The following SKAP2 variants were observed in gnomAD, a reference collection of about 807,000 sequenced individuals.
The protein encoded by SKAP2 is src kinase-associated phosphoprotein 2.
A neutral mutation model predicts 54.9 loss-of-function variants in SKAP2; 28 were observed. That is an observed-to-expected ratio of 0.51 (90% CI 0.38 to 0.70). The LOEUF is 0.70. SKAP2 is among the 30% of genes least tolerant of loss of function. SKAP2 has a pLI of 0.00. For missense variants in SKAP2, 356 were observed against 424.1 expected (o/e 0.84, Z 1.41); for synonymous variants, 137 against 134.3 (o/e 1.02, Z -0.14).
intron 11 of SKAP2, among the ~76,000 whole-genome samples, chr7:26,684,216 C>T (rs1442656023): frequency 6.6e-6 from 1 of 151,984 alleles, no homozygotes; most frequent in African/African-American, 2.4e-5. Flanking sequence ...ATTTTGTTTA[C>T]AAATATAGTA....
At chr7:26,744,437 G>A (rs78028110) in intron 4 of SKAP2, among the ~76,000 whole-genome samples, 8,263 of 152,012 alleles carry the variant, frequency 0.054, 327 homozygotes, top group Non-Finnish European at 0.073. Context: ...AGAAAAATGT[G>A]TCTAGATCAC....
At chr7:26,815,649 A>T (rs1365707457) in intron 4 of SKAP2, among the ~76,000 whole-genome samples, 1 of 152,080 alleles carries the variant, frequency 6.6e-6, no homozygotes, top group Non-Finnish European at 1.5e-5. Flanking sequence ...TGCCCAAGGG[A>T]GGACAAAGTG....
chr7:26,720,687 G>A (rs1353661036), intron 9 of SKAP2, among the ~76,000 whole-genome samples: 1 of 152,176 alleles, frequency 6.6e-6, no homozygotes, highest in Non-Finnish European at 1.5e-5. Context: ...GGAAGGGGAA[G>A]CAAACATGTC....
chr7:26,794,194 T>C (rs1221691643), intron 4 of SKAP2, among the ~76,000 whole-genome samples: 1 of 152,212 alleles, frequency 6.6e-6, no homozygotes, highest in African/African-American at 2.4e-5. Flanking sequence ...GAATTTTCAT[T>C]TATAAAAATT....
chr7:26,740,855 G>A (rs1782427147), intron 4 of SKAP2, among the ~76,000 whole-genome samples: 1 of 152,054 alleles, frequency 6.6e-6, no homozygotes, highest in African/African-American at 2.4e-5. Context: ...CAGGCATGGT[G>A]GCGGGTGCCT....
At chr7:26,670,058 C>T (rs1405523161) in intron 12 of SKAP2, 33 bp downstream of exon 12, 2 of 863,076 alleles carry the variant, frequency 2.3e-6, no homozygotes, top group Non-Finnish European at 4.0e-6. Context: ...AACATATGAG[C>T]TATTACAGAA....
intron 11 of SKAP2, among the ~76,000 whole-genome samples, chr7:26,684,155 C>A (rs1353064796): frequency 6.6e-6 from 1 of 152,032 alleles, no homozygotes; most frequent in African/African-American, 2.4e-5. Context: ...TATACACACA[C>A]ACATATACAT....
intron 4 of SKAP2, among the ~76,000 whole-genome samples, chr7:26,812,066 TG>T (rs1293329884): frequency 6.6e-6 from 1 of 152,216 alleles, no homozygotes; most frequent in Non-Finnish European, 1.5e-5. Flanking sequence ...GGCCCTGATT[TG>T]TTTTTAAGGG....
intron 6 of SKAP2, among the ~76,000 whole-genome samples, chr7:26,728,564 A>G (rs934964205): frequency 6.6e-6 from 1 of 152,122 alleles, no homozygotes; most frequent in South Asian, 2.1e-4. Context: ...TAAATTCTCA[A>G]AAAAAGACTA....
intron 5 of SKAP2, among the ~76,000 whole-genome samples, 198 bp downstream of exon 5, chr7:26,739,689 A>G (rs1283052375): frequency 6.6e-6 from 1 of 152,214 alleles, no homozygotes; most frequent in Non-Finnish European, 1.5e-5. Flanking sequence ...TAAAAACCTA[A>G]CCTAATGTTT....
At chr7:26,688,065 T>C (rs1413510616) in intron 10 of SKAP2, among the ~76,000 whole-genome samples, 2 of 152,042 alleles carry the variant, frequency 1.3e-5, no homozygotes. Context: ...TTTAAAAACA[T>C]ACAAGAAGAG....
intron 3 of SKAP2, among the ~76,000 whole-genome samples, chr7:26,849,585 T>C (rs746740028): frequency 6.7e-6 from 1 of 150,286 alleles, no homozygotes; most frequent in Non-Finnish European, 1.5e-5. Flanking sequence ...CTCGGGAGGC[T>C]GAGGAAGGAG....
At chr7:26,757,269 T>C (rs900474960) in intron 4 of SKAP2, among the ~76,000 whole-genome samples, 4 of 152,176 alleles carry the variant, frequency 2.6e-5, no homozygotes, top group African/African-American at 7.2e-5. Context: ...CTGAATGGTA[T>C]TGCCTAGGTT....
intron 6 of SKAP2, among the ~76,000 whole-genome samples, chr7:26,735,489 CTCTT>C (rs1787909217): frequency 6.6e-6 from 1 of 152,194 alleles, no homozygotes; most frequent in African/African-American, 2.4e-5. Context: ...GTTGGAACTA[CTCTT>C]TCTAAGCCAC....
chr7:26,670,037 G>C (rs774886198), intron 12 of SKAP2, 54 bp downstream of exon 12: 14 of 735,954 alleles, frequency 1.9e-5, no homozygotes, highest in Non-Finnish European at 3.2e-5. Flanking sequence ...TCATAACGAA[G>C]AGACCAAGAG....
In SKAP2 at chr7:26,864,566, G is replaced by C; in HGVS notation, c.-137C>G. 1 of 1,425,982 alleles carries C rather than the reference G, an allele frequency of 7.0e-7. No individual in the cohort carries two copies. The highest frequency in any genetic ancestry group is 1.5e-5 in the South Asian group (1 of 67,980). 88.3% of individuals were successfully genotyped at this position (1,425,982 alleles called of 1,614,324 possible). Reference sequence around the variant, plus strand: ...GGGGCTACGAGTCGGGACACTGCCGGGCCGGGGCTCACAACAAGGAAGTCA... The same window carrying C: ...GGGGCTACGAGTCGGGACACTGCCGCGCCGGGGCTCACAACAAGGAAGTCA... On this transcript the variant is annotated 5_prime_UTR_variant, in exon 1 of 13. Coordinates refer to ENST00000345317, the MANE Select transcript of SKAP2 (RefSeq NM_003930.5).
rs1782984707 is a variant in SKAP2 at position 26,763,806 on chromosome 7, T to C, written c.308-23842A>G. On this transcript the variant is annotated intron_variant, in intron 4 of 12. Coordinates refer to ENST00000345317, the MANE Select transcript of SKAP2 (RefSeq NM_003930.5). ...CACCTAGGCAATATTATATATAGCC[T>C]ATTGCTCCTAGGCTACAAACCCCCT... Among the ~76,000 whole-genome samples, 12 of 121,204 alleles carry C rather than the reference T, an allele frequency of 9.9e-5. 1 individual carries two copies. In the South Asian group the frequency reaches 3.0e-3, roughly 30 times the overall value. The allele number at this position is 121,204 out of a possible 152,430, so 79.5% of individuals were successfully genotyped here.
chr7:26,798,041 G>C (rs563253134), intron 4 of SKAP2, among the ~76,000 whole-genome samples: 20 of 151,920 alleles, frequency 1.3e-4, no homozygotes, highest in African/African-American at 3.9e-4. Context: ...AATAATAACA[G>C]AGAACTTCCA....
chr7:26,765,720 T>C (rs1198030947), intron 4 of SKAP2, among the ~76,000 whole-genome samples: 1 of 152,204 alleles, frequency 6.6e-6, no homozygotes, highest in Non-Finnish European at 1.5e-5. Flanking sequence ...ATTTATTAAA[T>C]AGGGAATCCT....
Sources: allele counts gnomAD v4.1 joint callset (sites outside exome capture counted in the v4.1 genomes callset), GRCh38; gene constraint gnomAD v4.1.1; transcripts MANE v1.5; gene names NCBI Gene and HGNC (gene_info 2026-07-23, HGNC 2026-07-21).